MDFIC: variants seen among roughly 807,000 people sequenced by gnomAD.
MDFIC encodes MyoD family inhibitor domain containing.
A neutral mutation model predicts 23.2 loss-of-function variants in MDFIC; 17 were observed. That is an observed-to-expected ratio of 0.73 (90% CI 0.50 to 1.10). The LOEUF (loss-of-function observed/expected upper bound fraction) is 1.10, where lower values mean the gene tolerates loss of function less well. Ranked by LOEUF, MDFIC falls within the 50% of genes least tolerant of loss-of-function variation. MDFIC has a pLI of 0.00. For synonymous variants in MDFIC, 120 were observed against 115.2 expected (o/e 1.04, Z -0.27); for missense variants, 356 against 316.6 (o/e 1.12, Z -0.95).
Position 114,922,501 on chromosome 7 carries a change from G to C in MDFIC, c.-243G>C. The C allele has an allele frequency of 1.6e-6, 2 of 1,255,714 alleles. No homozygotes were observed. Among genetic ancestry groups the C allele is most frequent in the Non-Finnish European group, 2.0e-6 (2 of 993,996 alleles). 77.8% of individuals were successfully genotyped at this position (1,255,714 alleles called of 1,614,324 possible). On this transcript the variant is annotated 5_prime_UTR_variant, in exon 1 of 5. Transcript: ENST00000393486. ...GAGCCGGAGGGAGGCGGGAGGACGC[G>C]CAGGGGCGGCCGCCGCCGTCGTCAG...
chr7:114,933,284 A>C (rs1792361693), intron 2 of MDFIC, among the ~76,000 whole-genome samples: 1 of 127,702 alleles, frequency 7.8e-6, no homozygotes. Context: ...TTTGAGACGG[A>C]GTCTCACTCT....
Position 114,948,820 on chromosome 7 carries a change from C to A in MDFIC, c.217+6423C>A, listed in dbSNP as rs78032922. 1.6e-3 allele frequency among the ~76,000 whole-genome samples: 237 copies of A among 152,144 alleles called. 2 individuals are homozygous for A. The highest frequency in any genetic ancestry group is 6.8e-3 in the Middle Eastern group (2 of 294). ...CTCTGGAATTGTAAATTGGAATTTGCTCATGGATTTTAATGAGTTGTGAAA... is the reference window on the plus strand; with the variant it reads ...CTCTGGAATTGTAAATTGGAATTTGATCATGGATTTTAATGAGTTGTGAAA... On this transcript the variant is annotated intron_variant, in intron 3 of 4. Transcript: ENST00000393486.
chr7:115,012,232 A>G (rs1484257751), intron 4 of MDFIC, among the ~76,000 whole-genome samples: 1 of 152,254 alleles, frequency 6.6e-6, no homozygotes, highest in Non-Finnish European at 1.5e-5. Context: ...AATAAGAAAA[A>G]GGAGGCAACC....
intron 3 of MDFIC, among the ~76,000 whole-genome samples, chr7:114,963,362 G>A (rs1793031399): frequency 6.6e-6 from 1 of 152,176 alleles, no homozygotes; most frequent in Non-Finnish European, 1.5e-5. Flanking sequence ...CATCAGGTCA[G>A]CAAATGTGCT....
At chr7:114,935,454 C>A (rs1792406827) in intron 2 of MDFIC, among the ~76,000 whole-genome samples, 1 of 151,910 alleles carries the variant, frequency 6.6e-6, no homozygotes, top group African/African-American at 2.4e-5. Flanking sequence ...TCCTGCCAAT[C>A]AACATAATTT....
chr7:114,926,161 C>T (rs1792186283), intron 2 of MDFIC, among the ~76,000 whole-genome samples: 1 of 152,160 alleles, frequency 6.6e-6, no homozygotes, highest in African/African-American at 2.4e-5. Context: ...GCAATAGTTA[C>T]TAGAACTCCT....
chr7:114,979,965 C>G (rs1585111774), intron 4 of MDFIC, 184 bp downstream of exon 4: 2 of 706,566 alleles, frequency 2.8e-6, no homozygotes, highest in Non-Finnish European at 4.9e-6. Flanking sequence ...GCAGTGGCAG[C>G]TGACATCCTG....
intron 2 of MDFIC, among the ~76,000 whole-genome samples, chr7:114,937,977 T>C (rs982739974): frequency 7.2e-5 from 11 of 152,186 alleles, no homozygotes; most frequent in African/African-American, 2.4e-4. Context: ...TATTTTTAAA[T>C]GGGATTTCGC....
chr7:114,944,289 A>G (rs947125127), intron 3 of MDFIC, among the ~76,000 whole-genome samples: 1 of 152,340 alleles, frequency 6.6e-6, no homozygotes, highest in South Asian at 2.1e-4. Flanking sequence ...GAATGGATTT[A>G]CAAAAGATAC....
At chr7:114,952,097 C>G (rs972438413) in intron 3 of MDFIC, among the ~76,000 whole-genome samples, 1 of 152,180 alleles carries the variant, frequency 6.6e-6, no homozygotes, top group African/African-American at 2.4e-5. Flanking sequence ...AAGTAATATT[C>G]TATACCTATT....
intron 4 of MDFIC, among the ~76,000 whole-genome samples, chr7:115,012,947 C>G (rs1791709141): frequency 6.6e-6 from 1 of 152,008 alleles, no homozygotes; most frequent in Non-Finnish European, 1.5e-5. Flanking sequence ...CCACTGCACT[C>G]CAGCCTGGGT....
chr7:115,016,098 ACATGGT>A lies in MDFIC; in HGVS notation c.*164_*169del. On this transcript the variant is annotated 3_prime_UTR_variant, in exon 5 of 5. Coordinates refer to ENST00000393486, the MANE Select transcript of MDFIC (RefSeq NM_001166345.3). ...AAGCCTTTTTACTTTAACCAAATCT[ACATGGT>A]TTAATATGTGAAATTTTAACTACTT... is the stretch of plus-strand genomic sequence containing the variant. 1 of 675,932 alleles carries A rather than the reference ACATGGT, an allele frequency of 1.5e-6. No homozygotes were observed. The highest frequency in any genetic ancestry group is 2.4e-6 in the Non-Finnish European group (1 of 412,552). The allele number at this position is 675,932 out of a possible 1,614,324, so 41.9% of individuals were successfully genotyped here.
chr7:115,001,514 T>C (rs1323628810), intron 4 of MDFIC, among the ~76,000 whole-genome samples: 1 of 152,190 alleles, frequency 6.6e-6, no homozygotes, highest in Non-Finnish European at 1.5e-5. Context: ...AGAAGGAACA[T>C]TTTAACATCT....
At chr7:114,954,753 T>C (rs1414170936) in intron 3 of MDFIC, among the ~76,000 whole-genome samples, 4 of 152,250 alleles carry the variant, frequency 2.6e-5, no homozygotes, top group African/African-American at 4.8e-5. Flanking sequence ...TCTTGGTCTA[T>C]GTCCTGGGAG....
At chr7:114,968,492 T>A (rs1416737888) in intron 3 of MDFIC, among the ~76,000 whole-genome samples, 1 of 152,224 alleles carries the variant, frequency 6.6e-6, no homozygotes, top group African/African-American at 2.4e-5. Context: ...ATATTGTTGT[T>A]CGATTATGTG....
chr7:114,956,367 A>ATG, intron 3 of MDFIC, among the ~76,000 whole-genome samples: 1 of 151,668 alleles, frequency 6.6e-6, no homozygotes, highest in Non-Finnish European at 1.5e-5. Flanking sequence ...ACATATATAT[A>ATG]TATACACACA....
chr7:114,987,323 T>C (rs1048604132), intron 4 of MDFIC, among the ~76,000 whole-genome samples: 1 of 152,168 alleles, frequency 6.6e-6, no homozygotes. Context: ...AAAAAGCTTT[T>C]CCGTTTTGCC....
chr7:114,961,168 C>T (rs1293894334), intron 3 of MDFIC, among the ~76,000 whole-genome samples: 3 of 152,172 alleles, frequency 2.0e-5, no homozygotes. Flanking sequence ...GTGAAATTGA[C>T]TGCCTAAAGG....
intron 4 of MDFIC, among the ~76,000 whole-genome samples, chr7:115,012,874 GA>G (rs1342032794): frequency 6.6e-6 from 1 of 152,162 alleles, no homozygotes; most frequent in Non-Finnish European, 1.5e-5. Context: ...AGCTACTGGG[GA>G]GGCTGAGGCA....
Sources: allele counts gnomAD v4.1 joint callset (sites outside exome capture counted in the v4.1 genomes callset), GRCh38; gene constraint gnomAD v4.1.1; transcripts MANE v1.5; gene names NCBI Gene and HGNC (gene_info 2026-07-23, HGNC 2026-07-21).